Variants in NPHP1 observed in about 807,000 individuals in gnomAD.
NPHP1 encodes nephrocystin-1.
In NPHP1, 70 loss-of-function variants were observed where a neutral mutation model predicts 90.4. The observed-to-expected ratio is 0.77, with a 90% CI of 0.64 to 0.95. The LOEUF is 0.95. Among genes scored for constraint, NPHP1 ranks in the 40% least tolerant of loss-of-function variants. NPHP1 has a pLI of 0.00. For missense variants in NPHP1, 764 were observed against 795.9 expected, an observed-to-expected ratio of 0.96 and a Z score of 0.48; for synonymous variants, 256 against 271.7, an observed-to-expected ratio of 0.94 and a Z score of 0.57.
chr2:110,204,692 G>A (rs1197312972), intron 1 of NPHP1, among the ~76,000 whole-genome samples: 1 of 152,102 alleles, frequency 6.6e-6, no homozygotes. Context: ...TTTCGCCTTT[G>A]GCTGGGGGTT....
chr2:110,146,899 C>T, intron 13 of NPHP1, 64 bp from the exon 14 acceptor site: 1 of 1,174,492 alleles, frequency 8.5e-7, no homozygotes, highest in South Asian at 1.2e-5. Flanking sequence ...AAGCACATAC[C>T]AAGTCCTTTT....
chr2:110,143,062 G>A (rs1680767248), intron 16 of NPHP1, among the ~76,000 whole-genome samples: 1 of 152,154 alleles, frequency 6.6e-6, no homozygotes, highest in Non-Finnish European at 1.5e-5. Context: ...GTGCCTGCCT[G>A]AGGCTGGGGA....
chr2:110,195,901 G>A (rs1685132704), intron 2 of NPHP1, among the ~76,000 whole-genome samples: 1 of 152,060 alleles, frequency 6.6e-6, no homozygotes, highest in African/African-American at 2.4e-5. Flanking sequence ...CAAGAAATGG[G>A]GAAATGATTC....
At chr2:110,192,047 G>A (rs6707554) in intron 2 of NPHP1, among the ~76,000 whole-genome samples, 70,602 of 151,922 alleles carry the variant, frequency 0.46, 17,430 homozygotes, top group African/African-American at 0.62. Flanking sequence ...TAAAACCACA[G>A]AGATGGGGAA....
intron 2 of NPHP1, among the ~76,000 whole-genome samples, chr2:110,182,998 G>C (rs1010742176): frequency 6.6e-6 from 1 of 152,002 alleles, no homozygotes; most frequent in Admixed American, 6.6e-5. Context: ...TGCAATTCTA[G>C]CTTCTGACAA....
chr2:110,200,141 G>A (rs1047627857), intron 2 of NPHP1, among the ~76,000 whole-genome samples: 5 of 152,094 alleles, frequency 3.3e-5, no homozygotes, highest in Non-Finnish European at 7.4e-5. Context: ...TGTAATCCCA[G>A]CTACTCGGGA....
chr2:110,155,992 C>G (rs1380232730), intron 11 of NPHP1, among the ~76,000 whole-genome samples: 3 of 151,598 alleles, frequency 2.0e-5, no homozygotes, highest in Admixed American at 2.0e-4. Flanking sequence ...CAGATCTCAT[C>G]TTGACTTGTA....
At chr2:110,128,916 A>T (rs932424921) in intron 18 of NPHP1, 3 of 487,712 alleles carry the variant, frequency 6.2e-6, no homozygotes, top group African/African-American at 5.8e-5. Flanking sequence ...GGACACAATC[A>T]GTGGCCATCC....
intron 6 of NPHP1, 84 bp downstream of exon 6, chr2:110,168,368 C>A: frequency 1.1e-6 from 1 of 882,114 alleles, no homozygotes. Flanking sequence ...CACTAGTCAA[C>A]TGACAAAAGA....
intron 18 of NPHP1, chr2:110,126,996 T>C (rs921372745): frequency 6.6e-6 from 1 of 152,590 alleles, no homozygotes; most frequent in African/African-American, 2.4e-5. Context: ...AGGTCACTAT[T>C]ACCTCACCAA....
chr2:110,139,983 C>T (rs956715969), intron 16 of NPHP1, among the ~76,000 whole-genome samples: 3 of 152,260 alleles, frequency 2.0e-5, no homozygotes, highest in East Asian at 1.9e-4. Flanking sequence ...AGGGCCCAGG[C>T]TGGTGCCTAG....
intron 2 of NPHP1, among the ~76,000 whole-genome samples, chr2:110,187,897 C>T (rs1418250776): frequency 7.1e-6 from 1 of 140,520 alleles, no homozygotes; most frequent in East Asian, 2.5e-4. Context: ...ATCACATAAA[C>T]AGAACTTAAG....
chr2:110,123,700 G>A lies in NPHP1; in HGVS notation c.*91C>T. ...AAGAGTAAAACCTAAGTTGTAAAGT[G>A]ACAGTGATTTTTGGTTCCATCATTT... On this transcript the variant is annotated 3_prime_UTR_variant, in exon 20 of 20. Transcript: ENST00000445609. The A allele has an allele frequency of 1.5e-6, 2 of 1,298,586 alleles. No individual in the cohort carries two copies. The highest frequency in any genetic ancestry group is 1.1e-6 in the Non-Finnish European group (1 of 899,376). The allele number at this position is 1,298,586 out of a possible 1,614,324, so 80.4% of individuals were successfully genotyped here.
At chr2:110,177,222 T>C (rs1683566454) in intron 4 of NPHP1, among the ~76,000 whole-genome samples, 1 of 152,228 alleles carries the variant, frequency 6.6e-6, no homozygotes, top group South Asian at 2.1e-4. Flanking sequence ...CCAGACTTTA[T>C]AGTCATTTAT....
chr2:110,178,522 T>G lies in NPHP1; in HGVS notation c.230A>C (p.Asn77Thr). Residue 77 changes from asparagine (N) to threonine (T), a missense_variant, in exon 4 of 20, where the codon AAC becomes ACC. Coordinates refer to ENST00000445609, the MANE Select transcript of NPHP1 (RefSeq NM_001128178.3). ...CTCCTCTTCTTTTCTCTGATTATAG[T>G]TTGCAACAGGTGCAGATTCATCAGC... is the stretch of plus-strand genomic sequence containing the variant. ...SKADESAPVA[N>T]YNQRKEEEHT... The G allele has an allele frequency of 6.2e-7, 1 of 1,613,810 alleles. No individual in the cohort carries two copies. The highest frequency in any genetic ancestry group is 8.5e-7 in the Non-Finnish European group (1 of 1,179,796).
chr2:110,190,576 C>A (rs1684645534), intron 2 of NPHP1, among the ~76,000 whole-genome samples: 2 of 152,206 alleles, frequency 1.3e-5, no homozygotes, highest in South Asian at 2.1e-4. Flanking sequence ...GCGCCTCTCC[C>A]TCCACACCTC....
At chr2:110,188,893 C>A (rs1317758595) in intron 2 of NPHP1, among the ~76,000 whole-genome samples, 2 of 152,076 alleles carry the variant, frequency 1.3e-5, no homozygotes, top group South Asian at 2.1e-4. Flanking sequence ...ACAAGCAATG[C>A]GGAAAGGGCC....
Position 110,147,526 on chromosome 2 carries a change from A to G in NPHP1, c.1269+390T>C, listed in dbSNP as rs146950221. On this transcript the variant is annotated intron_variant, in intron 13 of 19. Transcript: ENST00000445609. ...TGACATAAGTTAAACTCACTTTATA[A>G]AAGTCACTACTCTGCTAAGTCCCTT... is the stretch of plus-strand genomic sequence containing the variant. 8.3e-4 allele frequency among the ~76,000 whole-genome samples: 127 copies of G among 152,216 alleles called. 1 individual carries two copies. In the East Asian group the frequency reaches 0.014, roughly 17 times the overall value.
intron 7 of NPHP1, 90 bp from the exon 8 acceptor site, chr2:110,164,820 A>C: frequency 8.4e-7 from 1 of 1,188,632 alleles, no homozygotes; most frequent in Non-Finnish European, 1.3e-6. Flanking sequence ...GATAATCATC[A>C]GTAAGTTTTG....
Sources: gnomAD v4.1 joint callset for allele counts (sites outside exome capture counted in the v4.1 genomes callset) on GRCh38, gnomAD v4.1.1 for gene constraint, MANE v1.5 for transcripts, NCBI Gene and HGNC (gene_info 2026-07-23, HGNC 2026-07-21) for gene names.